TIRAP: variants seen among roughly 807,000 people sequenced by gnomAD.
TIRAP encodes the protein toll/interleukin-1 receptor domain-containing adapter protein.
TIRAP carries 20 observed loss-of-function variants against 19.8 expected under a neutral mutation model. The observed-to-expected ratio is 1.01, with a 90% confidence interval of 0.71 to 1.47. The LOEUF is 1.47. Ranked by LOEUF, TIRAP falls within the 40% of genes most tolerant of loss-of-function variation. TIRAP has a pLI of 0.00. For synonymous variants in TIRAP, 125 were observed against 121.7 expected (o/e 1.03, Z -0.18); for missense variants, 276 against 285.1 (o/e 0.97, Z 0.23).
chr11:126,285,243 G>GTGTGTGTTTATATATATATATATATATA, intron 1 of TIRAP, among the ~76,000 whole-genome samples: 1 of 106,974 alleles, frequency 9.3e-6, no homozygotes, highest in Non-Finnish European at 1.9e-5. Context: ...GTGTGTGTGT[G>GTGTGTGTTTATATATATATATATATATA]TATATATATA....
In TIRAP at chr11:126,287,111, C is replaced by T. The variant is rs951483056; in HGVS notation, c.-216-3351C>T. The stretch of plus-strand genomic sequence containing the variant: ...AATCCCCTTTTGCCACGGAAGGTAA[C>T]ATATTCTCAGTTCCGGGGATTAGGA... On this transcript the variant is annotated intron_variant, in intron 1 of 4. Coordinates refer to ENST00000392679, the MANE Select transcript of TIRAP (RefSeq NM_001318777.2). This position sits in a 1 kb window ranked among gnomAD's most constrained non-coding sequence, Gnocchi z 4.2. Among the ~76,000 whole-genome samples, 2 of 152,192 alleles carry T rather than the reference C, an allele frequency of 1.3e-5. No individual in the cohort carries two copies. The highest frequency in any genetic ancestry group is 4.8e-5 in the African/African-American group (2 of 41,442).
In TIRAP at chr11:126,291,343, C is replaced by G; in HGVS notation, c.67+382C>G. 1.2e-6 allele frequency: 1 copy of G among 851,006 alleles called. No homozygotes were observed. Among genetic ancestry groups the G allele is most frequent in the Non-Finnish European group, 1.7e-6 (1 of 584,270 alleles). 52.7% of individuals were successfully genotyped at this position (851,006 alleles called of 1,614,324 possible). On this transcript the variant is annotated intron_variant, in intron 3 of 4. Transcript: ENST00000392679. This position sits in a 1 kb window ranked among gnomAD's most constrained non-coding sequence, Gnocchi z 5.6. ...CCCCACCACAACTATCTGTCCTTAT[C>G]AAAGGCTGGGGAAGCTGTTTTCATC...
rs774408471 is a variant in TIRAP, at chr11:126,292,631, GAGTGAC to G, written c.227_232del (p.Asp76_Ser77del). The G allele has an allele frequency of 1.9e-6, 3 of 1,614,040 alleles. No individual in the cohort carries two copies. Among genetic ancestry groups the G allele is most frequent in the Non-Finnish European group, 2.5e-6 (3 of 1,180,040 alleles). On this transcript the variant is annotated inframe_deletion, in exon 4 of 5. Transcript: ENST00000392679. Reference sequence around the variant, plus strand: ...CTCCCAGCCTGCCACCCACACATGCGAGTGACAGTGGCAGTAGTCGCTGGAGCAAAG... The same window carrying G: ...CTCCCAGCCTGCCACCCACACATGCGAGTGGCAGTAGTCGCTGGAGCAAAG...
At position 126,291,471 on chromosome 11, in the gene TIRAP, C is replaced by G. The variant is rs987000937; in HGVS notation, c.67+510C>G. ...TGAAGAAGCCCAAGAAGAGGCCCGG[C>G]TCCCTGACATACCTGACACTGCATT... On this transcript the variant is annotated intron_variant, in intron 3 of 4. Coordinates refer to ENST00000392679, the MANE Select transcript of TIRAP (RefSeq NM_001318777.2). The surrounding 1 kb of genome is among the most constrained non-coding windows in gnomAD (Gnocchi z 5.6). 3 of 1,279,016 alleles carry G rather than the reference C, an allele frequency of 2.3e-6. No homozygotes were observed. The highest frequency in any genetic ancestry group is 3.1e-6 in the Non-Finnish European group (3 of 965,670). 79.2% of individuals were successfully genotyped at this position (1,279,016 alleles called of 1,614,324 possible).
chr11:126,293,181 GT>G (rs1951429820), intron 4 of TIRAP, 126 bp downstream of exon 4: 3 of 1,540,320 alleles, frequency 1.9e-6, no homozygotes, highest in Non-Finnish European at 2.6e-6. Flanking sequence ...GGCTGTCGGG[GT>G]TTGTATCCTG....
Position 126,291,352 on chromosome 11 carries a change from G to T in TIRAP, c.67+391G>T. On this transcript the variant is annotated intron_variant, in intron 3 of 4. Coordinates refer to ENST00000392679, the MANE Select transcript of TIRAP (RefSeq NM_001318777.2). This position sits in a 1 kb window ranked among gnomAD's most constrained non-coding sequence, Gnocchi z 5.6. Reference sequence around the variant, plus strand: ...AACTATCTGTCCTTATCAAAGGCTGGGGAAGCTGTTTTCATCTCCTTATGG... The same window carrying T: ...AACTATCTGTCCTTATCAAAGGCTGTGGAAGCTGTTTTCATCTCCTTATGG... 1 of 920,586 alleles carries T rather than the reference G, an allele frequency of 1.1e-6. No individual in the cohort carries two copies. Among genetic ancestry groups the T allele is most frequent in the Non-Finnish European group, 1.5e-6 (1 of 647,138 alleles). The allele number at this position is 920,586 out of a possible 1,614,324, so 57.0% of individuals were successfully genotyped here.
intron 1 of TIRAP, among the ~76,000 whole-genome samples, chr11:126,286,569 A>T (rs1245555390): frequency 6.6e-6 from 1 of 152,234 alleles, no homozygotes; most frequent in Non-Finnish European, 1.5e-5. Context: ...AGTGTTTGAG[A>T]ACAAAACAGC....
Position 126,290,171 on chromosome 11 carries a change from G to A in TIRAP, c.-216-291G>A, listed in dbSNP as rs1045282129. ...GGAGGCTCTAGTACTTCCATTTCACGGATGGAGAAACGAGTTTAGCAAGGT... is the reference window on the plus strand; with the variant it reads ...GGAGGCTCTAGTACTTCCATTTCACAGATGGAGAAACGAGTTTAGCAAGGT... On this transcript the variant is annotated intron_variant, in intron 1 of 4. Coordinates refer to ENST00000392679, the MANE Select transcript of TIRAP (RefSeq NM_001318777.2). This position sits in a 1 kb window ranked among gnomAD's most constrained non-coding sequence, Gnocchi z 4.9. Among the ~76,000 whole-genome samples, 6 of 152,086 alleles carry A rather than the reference G, an allele frequency of 3.9e-5. No individual in the cohort carries two copies. Among genetic ancestry groups the A allele is most frequent in the Admixed American group, 2.0e-4 (3 of 15,260 alleles).
At chr11:126,289,521 C>T (rs923159165) in intron 1 of TIRAP, 19 of 373,802 alleles carry the variant, frequency 5.1e-5, no homozygotes, top group African/African-American at 4.0e-4. Flanking sequence ...TCAGGTGATC[C>T]GCCGCCTTGG....
rs1016900909 is a variant in TIRAP at position 126,288,838 on chromosome 11, G to A, written c.-216-1624G>A. Among the ~76,000 whole-genome samples, 2 of 152,056 alleles carry A rather than the reference G, an allele frequency of 1.3e-5. No homozygotes were observed. Among genetic ancestry groups the A allele is most frequent in the Non-Finnish European group, 2.9e-5 (2 of 68,000 alleles). On this transcript the variant is annotated intron_variant, in intron 1 of 4. Transcript: ENST00000392679. The surrounding 1 kb of genome is among the most constrained non-coding windows in gnomAD (Gnocchi z 5.0). ...TTAGAATATTTACAAATCAAATGAT[G>A]CTCTAGTTTACAAGTGCACCAAGGC...
chr11:126,290,701 G>A lies in TIRAP; in HGVS notation c.-92-102G>A. ...AGACCCATTTAGAGAAGAAGCCTCT[G>A]TCAGGCATTAGGAGAGAAACAGAAC... is the stretch of plus-strand genomic sequence containing the variant. On this transcript the variant is annotated intron_variant, in intron 2 of 4. Coordinates refer to ENST00000392679, the MANE Select transcript of TIRAP (RefSeq NM_001318777.2). This position sits in a 1 kb window ranked among gnomAD's most constrained non-coding sequence, Gnocchi z 4.9. 3 of 1,367,204 alleles carry A rather than the reference G, an allele frequency of 2.2e-6. No homozygotes were observed. The highest frequency in any genetic ancestry group is 3.7e-5 in the South Asian group (2 of 54,524). 84.7% of individuals were successfully genotyped at this position (1,367,204 alleles called of 1,614,324 possible).
intron 1 of TIRAP, among the ~76,000 whole-genome samples, chr11:126,285,673 T>G (rs1048438438): frequency 6.6e-6 from 1 of 152,094 alleles, no homozygotes; most frequent in Non-Finnish European, 1.5e-5. Flanking sequence ...TTTTATCATT[T>G]TTTCCCCTTA....
chr11:126,287,643 C>T lies in TIRAP; in HGVS notation c.-216-2819C>T, dbSNP rs1191845295. ...CCACTTTGGATTTTATACAGCAAAA[C>T]TCCATAATGTTTCCTTTACATCAGT... On this transcript the variant is annotated intron_variant, in intron 1 of 4. Coordinates refer to ENST00000392679, the MANE Select transcript of TIRAP (RefSeq NM_001318777.2). The surrounding 1 kb of genome is among the most constrained non-coding windows in gnomAD (Gnocchi z 4.2). Among the ~76,000 whole-genome samples, 1 of 151,848 alleles carries T rather than the reference C, an allele frequency of 6.6e-6. No individual in the cohort carries two copies. The highest frequency in any genetic ancestry group is 2.4e-5 in the African/African-American group (1 of 41,324).
At position 126,292,488 on chromosome 11, in the gene TIRAP, C is replaced by G. The variant is rs202146623; in HGVS notation, c.79C>G (p.Gln27Glu). The part of the protein sequence containing the change: ...PLGKMADWFR[Q>E]TLLKKPKKRP... ...TTTCTCCCCCACAGACTGGTTCAGG[C>G]AGACCCTGCTGAAGAAGCCCAAGAA... The change falls in exon 4 of 5, where the codon CAG becomes GAG. Residue 27 changes from glutamine to glutamate, a missense_variant. Coordinates refer to ENST00000392679, the MANE Select transcript of TIRAP (RefSeq NM_001318777.2). The G allele has an allele frequency of 6.2e-7, 1 of 1,613,798 alleles. No individual in the cohort carries two copies. Among genetic ancestry groups the G allele is most frequent in the Non-Finnish European group, 8.5e-7 (1 of 1,179,958 alleles).
rs1300246547 is a variant in TIRAP at position 126,294,278 on chromosome 11, C to A, written c.*591C>A. On this transcript the variant is annotated 3_prime_UTR_variant, in exon 5 of 5. Transcript: ENST00000392679. The stretch of plus-strand genomic sequence containing the variant: ...ACTCTGTTCCTCTTCCCAGAGACAT[C>A]GATTCACTTCAAAGAGCTGTAGGGA... The A allele has an allele frequency of 3.5e-6, 1 of 286,138 alleles. No homozygotes were observed. The highest frequency in any genetic ancestry group is 4.8e-5 in the Admixed American group (1 of 20,894). 17.7% of individuals were successfully genotyped at this position (286,138 alleles called of 1,614,324 possible).
rs1286262112 is a variant in TIRAP at position 126,292,547 on chromosome 11, T to C, written c.138T>C (p.Asp46=). 6.2e-7 allele frequency: 1 copy of C among 1,614,144 alleles called. No homozygotes were observed. The highest frequency in any genetic ancestry group is 8.5e-7 in the Non-Finnish European group (1 of 1,180,026). The part of the protein sequence containing the change: ...RPNSPESTSS[D]ASQPTSQDSP... ...ACTCCCCAGAAAGCACCTCCAGCGA[T>C]GCTTCACAGCCTACCTCACAGGACA... Residue 46 remains aspartate, a synonymous_variant, in exon 4 of 5, where the codon GAT becomes GAC. Transcript: ENST00000392679.
intron 3 of TIRAP, 138 bp from the exon 4 acceptor site, chr11:126,292,339 T>C: frequency 2.4e-6 from 2 of 833,484 alleles, no homozygotes; most frequent in Non-Finnish European, 1.8e-6. Flanking sequence ...AACAGGTCTC[T>C]GAGAATAAGA....
In TIRAP at chr11:126,293,941, C is replaced by G. The variant is rs1247165237; in HGVS notation, c.*254C>G. ...TCCCCCTAGGAAAGCCATGAGGAAGCTGGGGACTCCCCAAGAAGGCCATGA... is the reference window on the plus strand; with the variant it reads ...TCCCCCTAGGAAAGCCATGAGGAAGGTGGGGACTCCCCAAGAAGGCCATGA... On this transcript the variant is annotated 3_prime_UTR_variant, in exon 5 of 5. Transcript: ENST00000392679. 4 of 544,442 alleles carry G rather than the reference C, an allele frequency of 7.3e-6. No homozygotes were observed. The African/African-American group carries it at 7.6e-5, about 10-fold the overall frequency. 33.7% of individuals were successfully genotyped at this position (544,442 alleles called of 1,614,324 possible).
At position 126,293,001 on chromosome 11, in the gene TIRAP, G is replaced by C; in HGVS notation, c.592G>C (p.Asp198His). 6.2e-7 allele frequency: 1 copy of C among 1,614,188 alleles called. No individual in the cohort carries two copies. The highest frequency in any genetic ancestry group is 8.5e-7 in the Non-Finnish European group (1 of 1,180,014). ...TGAGCTCCGATTCATGTACTACGTC[G>C]ATGGCAGGGGCCCTGATGGTGGCTT... ...PPELRFMYYV[D>H]GRGPDGGFRQ... is the part of the protein sequence containing the mutation. Residue 198 changes from aspartate to histidine, a missense_variant, in exon 4 of 5, where the codon GAT becomes CAT. Asp to His is a moderately conservative substitution (Grantham distance 81). Coordinates refer to ENST00000392679, the MANE Select transcript of TIRAP (RefSeq NM_001318777.2).
Sources: allele counts gnomAD v4.1 joint callset (sites outside exome capture counted in the v4.1 genomes callset), GRCh38; gene constraint gnomAD v4.1.1; non-coding constraint Gnocchi (gnomAD v3.1); transcripts MANE v1.5; gene names NCBI Gene and HGNC (gene_info 2026-07-23, HGNC 2026-07-21).